The following ZFP64 variants were observed in gnomAD, a reference collection of about 807,000 sequenced individuals.
ZFP64 encodes zinc finger protein 64.
In ZFP64, 14 loss-of-function variants were observed where a neutral mutation model predicts 51.6. That is an observed-to-expected ratio of 0.27 (90% CI 0.18 to 0.42). The LOEUF is 0.42. Among genes scored for constraint, ZFP64 ranks in the 10% least tolerant of loss-of-function variants. The pLI is 1.00. For missense variants in ZFP64, 754 were observed against 906.8 expected (o/e 0.83, Z 2.16); for synonymous variants, 375 against 361.4 (o/e 1.04, Z -0.43).
intron 4 of ZFP64, 87 bp downstream of exon 4, chr20:52,164,608 G>C (rs1285856036): frequency 9.1e-6 from 10 of 1,094,640 alleles, no homozygotes; most frequent in Non-Finnish European, 1.1e-5. Context: ...CGTTTGGAGT[G>C]GTATCATTCG....
downstream of ZFP64, among the ~76,000 whole-genome samples, chr20:52,146,324 CA>C (rs1346448290): frequency 6.6e-6 from 1 of 152,046 alleles, no homozygotes; most frequent in African/African-American, 2.4e-5. Flanking sequence ...GACTTGGAAC[CA>C]ATCCAAATGT....
At chr20:52,124,636 G>T (rs1216014590) in intron 5 of ZFP64, among the ~76,000 whole-genome samples, 2 of 151,710 alleles carry the variant, frequency 1.3e-5, no homozygotes, top group Non-Finnish European at 2.9e-5. Context: ...TTGAAACAGG[G>T]TCTTGCTCCA....
intron 2 of ZFP64, among the ~76,000 whole-genome samples, chr20:52,179,598 C>T (rs971019502): frequency 3.9e-5 from 6 of 152,178 alleles, no homozygotes; most frequent in African/African-American, 1.4e-4. Context: ...AGCTCACAGG[C>T]CAAACTGAAA....
At chr20:52,120,063 G>T (rs1979102851) in intron 5 of ZFP64, among the ~76,000 whole-genome samples, 1 of 152,108 alleles carries the variant, frequency 6.6e-6, no homozygotes. Flanking sequence ...TCTCCTGGAA[G>T]GAATTAGTGC....
chr20:52,105,265 C>G, intron 5 of ZFP64: 1 of 1,317,272 alleles, frequency 7.6e-7, no homozygotes, highest in Non-Finnish European at 9.6e-7. Flanking sequence ...CCCCGCGCGT[C>G]CCTAGGAGTG....
intron 5 of ZFP64, among the ~76,000 whole-genome samples, chr20:52,121,012 G>A (rs1048872501): frequency 1.3e-5 from 2 of 152,120 alleles, no homozygotes; most frequent in Non-Finnish European, 2.9e-5. Flanking sequence ...CCTCGTAACT[G>A]TTTTAGGGTG....
At chr20:52,157,520 T>C (rs970435423) in intron 5 of ZFP64, among the ~76,000 whole-genome samples, 2 of 152,184 alleles carry the variant, frequency 1.3e-5, no homozygotes, top group African/African-American at 4.8e-5. Context: ...GATGTTCCAA[T>C]GGGCAGGGTT....
chr20:52,112,668 G>T (rs1164212457), intron 5 of ZFP64, among the ~76,000 whole-genome samples: 2 of 151,474 alleles, frequency 1.3e-5, no homozygotes, highest in African/African-American at 4.9e-5. Flanking sequence ...AGGCTGGAGT[G>T]CAGTGGCGTG....
At chr20:52,174,479 T>G (rs1439703675) in intron 2 of ZFP64, among the ~76,000 whole-genome samples, 2 of 105,476 alleles carry the variant, frequency 1.9e-5, no homozygotes, top group East Asian at 6.1e-4. Flanking sequence ...TGAGGCTCCA[T>G]CTCAAAAAAA....
Position 52,098,549 on chromosome 20 carries a change from G to T in ZFP64, c.802C>A (p.Leu268Ile), listed in dbSNP as rs144331254. The T allele has an allele frequency of 4.3e-6, 7 of 1,614,136 alleles. No individual in the cohort carries two copies. The East Asian group carries it at 1.6e-4, about 36-fold the overall frequency. Residue 268 changes from leucine to isoleucine, a missense_variant, in exon 6 of 9, where the codon CTC becomes ATC. Physicochemically the swap from Leu to Ile is conservative, Grantham distance 5. Transcript: ENST00000361387. The stretch of plus-strand genomic sequence containing the variant: ...GGAGTGTCAGTGCTTTCAGTGGAGA[G>T]GCAGTTTGCTTTTGGAACATCATCA...
Position 52,191,583 on chromosome 20 carries a change from G to A in ZFP64, c.46+8C>T. ...CGGAGCGCGCACTGCTCCCGGAAAA[G>A]CACTTACTTTGCACCGAGCCCGCGA... On this transcript the variant is annotated splice_region_variant and intron_variant, in intron 1 of 5. Coordinates refer to ENST00000216923, the MANE Select transcript of ZFP64 (RefSeq NM_018197.3). This position sits in a 1 kb window ranked among gnomAD's most constrained non-coding sequence, Gnocchi z 4.3. 6.3e-7 allele frequency: 1 copy of A among 1,578,428 alleles called. No homozygotes were observed. The highest frequency in any genetic ancestry group is 8.6e-7 in the Non-Finnish European group (1 of 1,165,988).
intron 5 of ZFP64, among the ~76,000 whole-genome samples, chr20:52,142,548 A>T (rs974208786): frequency 1.3e-5 from 2 of 152,006 alleles, no homozygotes; most frequent in African/African-American, 4.8e-5. Flanking sequence ...ATACCAAAAA[A>T]GGCAAAAAAG....
chr20:52,159,256 A>G (rs1439290559), intron 5 of ZFP64, among the ~76,000 whole-genome samples: 1 of 152,220 alleles, frequency 6.6e-6, no homozygotes. Flanking sequence ...CGAAAGAAAA[A>G]AGTATGTAAT....
At chr20:52,084,868 C>T (rs761378587) in exon 9 of ZFP64, 21 of 1,613,730 alleles carry the variant, frequency 1.3e-5, no homozygotes, top group South Asian at 5.5e-5. Context: ...TGCACCTTGT[C>T]GACGTGCTTG....
chr20:52,173,836 A>G (rs189733169), intron 2 of ZFP64, among the ~76,000 whole-genome samples: 2 of 151,934 alleles, frequency 1.3e-5, no homozygotes, highest in East Asian at 3.9e-4. Flanking sequence ...TTTAGCAGAG[A>G]TGGGGGTTTC....
intron 5 of ZFP64, among the ~76,000 whole-genome samples, chr20:52,116,445 TC>T: frequency 1.9e-5 from 2 of 103,474 alleles, no homozygotes; most frequent in African/African-American, 3.4e-5. Context: ...CATATTTCTT[TC>T]TTTTTTTTTT....
chr20:52,168,184 T>C (rs1306105746), intron 2 of ZFP64, among the ~76,000 whole-genome samples: 1 of 152,084 alleles, frequency 6.6e-6, no homozygotes, highest in East Asian at 1.9e-4. Context: ...CATTTGGTAT[T>C]TGAGTAAAGC....
chr20:52,181,695 G>GA (rs1253191926), intron 2 of ZFP64, among the ~76,000 whole-genome samples: 1 of 152,142 alleles, frequency 6.6e-6, no homozygotes, highest in Non-Finnish European at 1.5e-5. Context: ...CTGAGATCCG[G>GA]AATCCCCCAG....
intron 5 of ZFP64, among the ~76,000 whole-genome samples, chr20:52,103,919 A>AGTTGTG (rs572664030): frequency 1.3e-3 from 197 of 152,310 alleles, no homozygotes; most frequent in Non-Finnish European, 2.4e-3. Context: ...CACCTCGGGA[A>AGTTGTG]GTTGTGGTCA....
Sources: gnomAD v4.1 joint callset for allele counts (sites outside exome capture counted in the v4.1 genomes callset) on GRCh38, gnomAD v4.1.1 for gene constraint, Gnocchi (gnomAD v3.1) non-coding constraint, MANE v1.5 for transcripts, NCBI Gene and HGNC (gene_info 2026-07-23, HGNC 2026-07-21) for gene names.